DGKI: variants seen among roughly 807,000 people sequenced by gnomAD.
DGKI encodes the protein diacylglycerol kinase iota, also known as DAG kinase iota.
A neutral mutation model predicts 147.5 loss-of-function variants in DGKI; 55 were observed. That is an observed-to-expected ratio of 0.37 (90% CI 0.30 to 0.47). DGKI has a LOEUF of 0.47. Among genes scored for constraint, DGKI ranks in the 20% least tolerant of loss-of-function variants. The probability of loss-of-function intolerance (pLI) is 1.00; values close to 1 mark genes in which losing one functional copy is unlikely to be tolerated. For missense variants in DGKI, 1,007 were observed against 1,323.8 expected (o/e 0.76, Z 3.71); for synonymous variants, 469 against 477.1 (o/e 0.98, Z 0.22).
At chr7:137,391,446 A>C in intron 32 of DGKI, 110 bp from the exon 33 acceptor site, 1 of 737,518 alleles carries the variant, frequency 1.4e-6, no homozygotes, top group Non-Finnish European at 2.2e-6. Context: ...CAGAAACAGA[A>C]CTACGCAAGG....
chr7:137,613,189 G>T (rs1306151952), intron 8 of DGKI, among the ~76,000 whole-genome samples: 1 of 152,076 alleles, frequency 6.6e-6, no homozygotes, highest in Non-Finnish European at 1.5e-5. Context: ...CCCAAGAGAA[G>T]AGATCTGTTC....
chr7:137,533,708 C>T (rs557172295), intron 20 of DGKI, among the ~76,000 whole-genome samples: 137 of 152,056 alleles, frequency 9.0e-4, no homozygotes, highest in African/African-American at 2.3e-3. Flanking sequence ...AAAATAAATA[C>T]AACTATAGGT....
At chr7:137,521,527 G>T (rs993689326) in intron 21 of DGKI, among the ~76,000 whole-genome samples, 7 of 152,072 alleles carry the variant, frequency 4.6e-5, no homozygotes, top group Non-Finnish European at 1.0e-4. Flanking sequence ...GATCTGTGTT[G>T]TCTCAAGAGT....
At position 137,611,985 on chromosome 7, in the gene DGKI, T is replaced by C. The variant is rs1820379110; in HGVS notation, c.994-2376A>G. 2.0e-5 allele frequency among the ~76,000 whole-genome samples: 3 copies of C among 152,200 alleles called. No individual in the cohort carries two copies. The South Asian group carries it at 6.2e-4, about 31-fold the overall frequency. ...TGCTTGCAGGAACATGCTATGGACC[T>C]AGGTCCTTGACAGGATGTCAGCAAT... On this transcript the variant is annotated intron_variant, in intron 8 of 32. Transcript: ENST00000614521.
intron 28 of DGKI, among the ~76,000 whole-genome samples, chr7:137,439,456 A>G (rs1477162841): frequency 6.6e-6 from 1 of 152,220 alleles, no homozygotes; most frequent in Non-Finnish European, 1.5e-5. Context: ...GGCAGGCAAG[A>G]GAGAGCTTGT....
chr7:137,435,766 C>T (rs1813256668), intron 28 of DGKI, among the ~76,000 whole-genome samples: 1 of 152,132 alleles, frequency 6.6e-6, no homozygotes, highest in Non-Finnish European at 1.5e-5. Context: ...GCACATATTT[C>T]CATCTGTAAC....
At chr7:137,520,877 G>A (rs1816937149) in intron 21 of DGKI, among the ~76,000 whole-genome samples, 1 of 152,010 alleles carries the variant, frequency 6.6e-6, no homozygotes, top group Non-Finnish European at 1.5e-5. Flanking sequence ...ATCCCAGGAA[G>A]GCTTTCCTAC....
At chr7:137,586,773 T>A (rs114082794) in intron 13 of DGKI, among the ~76,000 whole-genome samples, 1 of 152,198 alleles carries the variant, frequency 6.6e-6, no homozygotes, top group African/African-American at 2.4e-5. Context: ...CTGGATTAAC[T>A]GAAGTCTGTA....
intron 6 of DGKI, among the ~76,000 whole-genome samples, chr7:137,624,264 T>G (rs1820855705): frequency 2.6e-5 from 4 of 152,214 alleles, no homozygotes. Context: ...TATGTAGTAT[T>G]GCACAAAGAA....
At chr7:137,434,317 T>C (rs1813198638) in intron 28 of DGKI, among the ~76,000 whole-genome samples, 1 of 152,000 alleles carries the variant, frequency 6.6e-6, no homozygotes. Flanking sequence ...TGGTGGCTCA[T>C]GCCTGTAATC....
At chr7:137,498,305 G>A (rs141725403) in intron 21 of DGKI, among the ~76,000 whole-genome samples, 90 of 151,832 alleles carry the variant, frequency 5.9e-4, no homozygotes, top group African/African-American at 1.4e-3. Context: ...TAGTCCAGGA[G>A]GTCCCAATAA....
chr7:137,466,932 A>G lies in DGKI; in HGVS notation c.2454T>C (p.Ala818=). 1 of 1,614,196 alleles carries G rather than the reference A, an allele frequency of 6.2e-7. No individual in the cohort carries two copies. Among genetic ancestry groups the G allele is most frequent in the South Asian group, 1.1e-5 (1 of 91,082 alleles). ...ATCTGTCTATTCGATAAAAGCGATC[A>G]GCAGAAGTTGCTAGGGGAAAAAAAA... ...PRWCFLDATS[A]DRFYRIDRSQ... Residue 818 remains alanine (A), a synonymous_variant, in exon 25 of 33, where the codon GCT becomes GCC. Coordinates refer to ENST00000614521, the MANE Select transcript of DGKI (RefSeq NM_001321708.2).
chr7:137,817,405 G>GAT (rs1039190738), intron 1 of DGKI, among the ~76,000 whole-genome samples: 2 of 152,136 alleles, frequency 1.3e-5, no homozygotes, highest in African/African-American at 4.8e-5. Flanking sequence ...GAGGCCACAA[G>GAT]ATATATATAC....
At chr7:137,532,321 G>C (rs1412654929) in intron 20 of DGKI, among the ~76,000 whole-genome samples, 1 of 152,142 alleles carries the variant, frequency 6.6e-6, no homozygotes. Context: ...AAAAAGTAAG[G>C]ATTGACCTGA....
chr7:137,483,395 A>G (rs1458598215), intron 23 of DGKI, among the ~76,000 whole-genome samples: 1 of 152,072 alleles, frequency 6.6e-6, no homozygotes, highest in Admixed American at 6.6e-5. Context: ...ACTACTGCCA[A>G]TTGTTAGAGA....
At chr7:137,537,667 C>T (rs571526181) in intron 20 of DGKI, among the ~76,000 whole-genome samples, 1 of 152,188 alleles carries the variant, frequency 6.6e-6, no homozygotes, top group South Asian at 2.1e-4. Flanking sequence ...GATTTCTGCC[C>T]CAGACATGAA....
At chr7:137,801,022 C>G (rs1797189348) in intron 1 of DGKI, among the ~76,000 whole-genome samples, 1 of 152,240 alleles carries the variant, frequency 6.6e-6, no homozygotes, top group Admixed American at 6.5e-5. Flanking sequence ...CAACAGTGAT[C>G]TAAGTGCTGA....
intron 3 of DGKI, among the ~76,000 whole-genome samples, chr7:137,669,658 G>C (rs62490504): frequency 6.6e-6 from 1 of 152,112 alleles, no homozygotes; most frequent in Admixed American, 6.6e-5. Flanking sequence ...TATTCTCAGA[G>C]GTTCAAACTC....
At chr7:137,471,997 A>G (rs937201176) in intron 23 of DGKI, among the ~76,000 whole-genome samples, 1 of 138,882 alleles carries the variant, frequency 7.2e-6, no homozygotes, top group African/African-American at 2.6e-5. Flanking sequence ...TATATTATAT[A>G]TGTATATACA....
Sources: gnomAD v4.1 joint callset for allele counts (sites outside exome capture counted in the v4.1 genomes callset) on GRCh38, gnomAD v4.1.1 for gene constraint, MANE v1.5 for transcripts, NCBI Gene and HGNC (gene_info 2026-07-23, HGNC 2026-07-21) for gene names.